Variants in TBC1D5 observed in about 807,000 individuals in gnomAD.
The protein encoded by TBC1D5 is TBC1 domain family, member 5.
In TBC1D5, 75 loss-of-function variants were observed where a neutral mutation model predicts 100.3. The ratio of observed to expected loss-of-function variants is 0.75; its 90% confidence interval spans 0.62 to 0.91. The LOEUF is 0.91. Among genes scored for constraint, TBC1D5 ranks in the 40% least tolerant of loss-of-function variants. The pLI is 0.00. For missense variants in TBC1D5, 910 were observed against 942.4 expected, an observed-to-expected ratio of 0.97 and a Z score of 0.45; for synonymous variants, 323 against 325.6, an observed-to-expected ratio of 0.99 and a Z score of 0.09.
intron 2 of TBC1D5, among the ~76,000 whole-genome samples, chr3:17,563,841 G>A (rs1337696815): frequency 2.0e-5 from 3 of 152,094 alleles, no homozygotes; most frequent in African/African-American, 7.2e-5. Context: ...GGAGTGCAGT[G>A]GCTTGATCTC....
chr3:17,515,680 G>T (rs1560064095), intron 2 of TBC1D5, among the ~76,000 whole-genome samples: 1 of 152,112 alleles, frequency 6.6e-6, no homozygotes, highest in East Asian at 1.9e-4. Flanking sequence ...TAATACCAAA[G>T]AATTCAGTTT....
intron 13 of TBC1D5, among the ~76,000 whole-genome samples, chr3:17,316,737 A>G (rs920418115): frequency 1.3e-5 from 2 of 152,146 alleles, no homozygotes; most frequent in Non-Finnish European, 2.9e-5. Flanking sequence ...AATCGGCACT[A>G]TCTTGGGAAA....
intron 8 of TBC1D5, 127 bp downstream of exon 8, chr3:17,403,054 T>G: frequency 1.5e-6 from 1 of 645,922 alleles, no homozygotes. Context: ...CAAAACAAGT[T>G]TGTTATTAAC....
intron 18 of TBC1D5, among the ~76,000 whole-genome samples, chr3:17,206,442 C>A (rs191957938): frequency 6.6e-6 from 1 of 152,296 alleles, no homozygotes; most frequent in East Asian, 1.9e-4. Flanking sequence ...ATAGGTTAGG[C>A]AATTCTCCAG....
At chr3:17,408,268 AACACACACACACACACACACACACACAC>A (rs3041146) in intron 4 of TBC1D5, among the ~76,000 whole-genome samples, 4 of 144,012 alleles carry the variant, frequency 2.8e-5, no homozygotes, top group South Asian at 2.3e-4. Flanking sequence ...AAGACTATCC[AACACACACACACACACACACACACACAC>A]ACACACACAC....
At chr3:17,483,390 G>A (rs1053609286) in intron 3 of TBC1D5, among the ~76,000 whole-genome samples, 3 of 151,436 alleles carry the variant, frequency 2.0e-5, no homozygotes, top group African/African-American at 7.3e-5. Flanking sequence ...AGGTCTAAAT[G>A]AAACCTATTT....
At chr3:17,551,766 C>A (rs898024424) in intron 2 of TBC1D5, among the ~76,000 whole-genome samples, 3 of 151,966 alleles carry the variant, frequency 2.0e-5, no homozygotes, top group African/African-American at 7.2e-5. Context: ...AAACAACAAG[C>A]AATTTTTATT....
chr3:17,271,316 T>C lies in TBC1D5; in HGVS notation c.1246-12725A>G, dbSNP rs117112325. On this transcript the variant is annotated intron_variant, in intron 15 of 21. Coordinates refer to ENST00000253692, the Ensembl canonical transcript of TBC1D5. The stretch of plus-strand genomic sequence containing the variant: ...CGGCAGTGTTTTGCAGTTCTCCTTG[T>C]AGAGACCTTTCATGTCCTTGGGAAG... Among the ~76,000 whole-genome samples, 665 of 152,264 alleles carry C rather than the reference T, an allele frequency of 4.4e-3. 7 individuals are homozygous for C. Among genetic ancestry groups the C allele is most frequent in the African/African-American group, 0.012 (514 of 41,560 alleles).
chr3:17,353,961 T>C (rs963375262), intron 13 of TBC1D5, among the ~76,000 whole-genome samples: 17 of 152,072 alleles, frequency 1.1e-4, no homozygotes, highest in Admixed American at 5.2e-4. Flanking sequence ...CAATGCAAAA[T>C]AGCATTCCAC....
intron 13 of TBC1D5, among the ~76,000 whole-genome samples, chr3:17,371,541 A>C (rs2092459002): frequency 6.6e-6 from 1 of 152,182 alleles, no homozygotes; most frequent in South Asian, 2.1e-4. Context: ...TTCATCTCTA[A>C]TAAAGGAATA....
intron 13 of TBC1D5, among the ~76,000 whole-genome samples, chr3:17,354,539 C>G (rs1219034967): frequency 6.6e-6 from 1 of 152,002 alleles, no homozygotes; most frequent in Non-Finnish European, 1.5e-5. Flanking sequence ...GCTGGTCTAG[C>G]TGTTTAAAAT....
intron 13 of TBC1D5, chr3:17,338,528 T>G (rs2088313400): frequency 6.6e-6 from 1 of 152,188 alleles, no homozygotes; most frequent in Non-Finnish European, 1.5e-5. Flanking sequence ...CAAGAAACCC[T>G]CTTCATTAGA....
intron 12 of TBC1D5, 88 bp from the exon 13 acceptor site, chr3:17,372,335 A>G: frequency 2.4e-6 from 3 of 1,255,106 alleles, no homozygotes; most frequent in Non-Finnish European, 3.2e-6. Context: ...CAGTTTAAAC[A>G]AGAAGTCTTA....
chr3:17,247,618 G>A (rs1167764389), intron 16 of TBC1D5, among the ~76,000 whole-genome samples: 1 of 152,096 alleles, frequency 6.6e-6, no homozygotes, highest in Non-Finnish European at 1.5e-5. Context: ...AGACAACAAT[G>A]AAGTTGGCCA....
chr3:17,482,450 C>A (rs2095512792), intron 3 of TBC1D5, among the ~76,000 whole-genome samples: 2 of 152,154 alleles, frequency 1.3e-5, no homozygotes, highest in Admixed American at 6.5e-5. Context: ...TTGGCTCATT[C>A]TGGAGCTTCT....
rs553433462 is a variant in TBC1D5, at chr3:17,303,812, A to G, written c.1138+4180T>C. Among the ~76,000 whole-genome samples, 164 of 146,356 alleles carry G rather than the reference A, an allele frequency of 1.1e-3. 1 individual carries two copies. The highest frequency in any genetic ancestry group is 2.0e-3 in the Non-Finnish European group (132 of 66,972). On this transcript the variant is annotated intron_variant, in intron 14 of 21. Transcript: ENST00000253692. ...TTTAGTCCTGCCTAATTCATTTGGA[A>G]GCCTGGATCACAATCTACCTCTTTT...
At chr3:17,513,508 A>G (rs984085154) in intron 2 of TBC1D5, among the ~76,000 whole-genome samples, 5 of 152,230 alleles carry the variant, frequency 3.3e-5, no homozygotes, top group Admixed American at 6.5e-5. Flanking sequence ...AAAATTCTAT[A>G]TATTTCAGCT....
At chr3:17,734,279 G>A (rs907912868) in intron 1 of TBC1D5, among the ~76,000 whole-genome samples, 2 of 152,080 alleles carry the variant, frequency 1.3e-5, no homozygotes, top group East Asian at 1.9e-4. Context: ...GGAGGGCGGA[G>A]GGGGAGAGAA....
intron 8 of TBC1D5, among the ~76,000 whole-genome samples, chr3:17,385,620 T>G (rs2093122035): frequency 6.6e-6 from 1 of 152,100 alleles, no homozygotes; most frequent in African/African-American, 2.4e-5. Context: ...AAGGTCCATT[T>G]TACATTCATC....
Sources: gnomAD v4.1 joint callset for allele counts (sites outside exome capture counted in the v4.1 genomes callset) on GRCh38, gnomAD v4.1.1 for gene constraint, MANE v1.5 for transcripts, NCBI Gene and HGNC (gene_info 2026-07-23, HGNC 2026-07-21) for gene names.